CASZ1: variants seen among roughly 807,000 people sequenced by gnomAD.
CASZ1 encodes zinc finger protein castor homolog 1.
A neutral mutation model predicts 135.2 loss-of-function variants in CASZ1; 28 were observed. The ratio of observed to expected loss-of-function variants is 0.21; its 90% confidence interval spans 0.15 to 0.28. The LOEUF (loss-of-function observed/expected upper bound fraction) is 0.28. Ranked by LOEUF, CASZ1 falls within the 10% of genes least tolerant of loss-of-function variation. CASZ1 has a pLI of 1.00. For synonymous variants in CASZ1, 1,068 were observed against 1,073.4 expected (o/e 0.99, Z 0.10); for missense variants, 2,161 against 2,453.3 (o/e 0.88, Z 2.52).
rs1005208116 is a variant in CASZ1 at position 10,744,873 on chromosome 1, C to T, written c.-77+15828G>A. Among the ~76,000 whole-genome samples, 93 of 152,260 alleles carry T rather than the reference C, an allele frequency of 6.1e-4. 1 individual carries two copies. Among genetic ancestry groups the T allele is most frequent in the African/African-American group, 2.2e-3 (92 of 41,550 alleles). On this transcript the variant is annotated intron_variant, in intron 2 of 20. Coordinates refer to ENST00000377022, the MANE Select transcript of CASZ1 (RefSeq NM_001079843.3). ...TGACCTCACCAGAGCACACAGGCAC[C>T]CCGGTACACGGTACACGCAGACGCA...
Position 10,727,531 on chromosome 1 carries a change from C to G in CASZ1, c.-76-21987G>C, listed in dbSNP as rs146663160. ...TGAAAGTTGGGAAGCTTTTACGGTT[C>G]TGTCCTGAAGGACTCTCTTCCTTGG... On this transcript the variant is annotated intron_variant, in intron 2 of 20. Coordinates refer to ENST00000377022, the MANE Select transcript of CASZ1 (RefSeq NM_001079843.3). The surrounding 1 kb of genome is among the most constrained non-coding windows in gnomAD (Gnocchi z 5.3). Among the ~76,000 whole-genome samples the G allele has an allele frequency of 3.7e-3, 565 of 152,304 alleles. 8 individuals carry two copies. The highest frequency in any genetic ancestry group is 0.013 in the South Asian group (65 of 4,826).
intron 4 of CASZ1, among the ~76,000 whole-genome samples, chr1:10,678,523 A>G (rs1638307178): frequency 6.6e-6 from 1 of 152,090 alleles, no homozygotes; most frequent in Non-Finnish European, 1.5e-5. Context: ...GGGGCTGAAG[A>G]TCCCAGTGTC....
At chr1:10,763,493 C>T (rs891657569) in intron 1 of CASZ1, among the ~76,000 whole-genome samples, 1 of 152,144 alleles carries the variant, frequency 6.6e-6, no homozygotes, top group Admixed American at 6.5e-5. Context: ...AACAAGCACT[C>T]TAGAAATGCC....
rs887945463 is a variant in CASZ1 at position 10,762,800 on chromosome 1, C to G, written c.-233-1943G>C. ...AACTCCAGGCAAGGCGCTGGCAAGA[C>G]CAGGGGCTGACCACAGGCCAACGGT... On this transcript the variant is annotated intron_variant, in intron 1 of 20. Transcript: ENST00000377022. This position sits in a 1 kb window ranked among gnomAD's most constrained non-coding sequence, Gnocchi z 4.1. Among the ~76,000 whole-genome samples the G allele has an allele frequency of 1.3e-5, 2 of 152,120 alleles. No individual in the cohort carries two copies. The highest frequency in any genetic ancestry group is 3.9e-4 in the East Asian group (2 of 5,182).
At chr1:10,749,912 C>T (rs1465820403) in intron 2 of CASZ1, among the ~76,000 whole-genome samples, 1 of 152,340 alleles carries the variant, frequency 6.6e-6, no homozygotes, top group East Asian at 1.9e-4. Flanking sequence ...GAAGCACAGG[C>T]TCACACGGGT....
rs1642822848 is a variant in CASZ1, at chr1:10,657,008, A to C, written c.1410-272T>G. 6.6e-6 allele frequency among the ~76,000 whole-genome samples: 1 copy of C among 152,136 alleles called. No individual in the cohort carries two copies. The highest frequency in any genetic ancestry group is 2.4e-5 in the African/African-American group (1 of 41,440). On this transcript the variant is annotated intron_variant, in intron 7 of 20. Coordinates refer to ENST00000377022, the MANE Select transcript of CASZ1 (RefSeq NM_001079843.3). This position sits in a 1 kb window ranked among gnomAD's most constrained non-coding sequence, Gnocchi z 5.7. Reference sequence around the variant, plus strand: ...GATGGGGCCCGAGCCCTGGGATGGAAGGGAAGGCAGGCGCCCCCTCGGCTG... The same window carrying C: ...GATGGGGCCCGAGCCCTGGGATGGACGGGAAGGCAGGCGCCCCCTCGGCTG...
chr1:10,750,085 C>T (rs766912177), intron 2 of CASZ1, among the ~76,000 whole-genome samples: 31 of 152,046 alleles, frequency 2.0e-4, no homozygotes, highest in African/African-American at 6.5e-4. Context: ...GGCAGGGGCC[C>T]GGGGGCAGGG....
chr1:10,794,636 G>C lies in CASZ1; in HGVS notation c.-234+1928C>G, dbSNP rs1385555652. Among the ~76,000 whole-genome samples, 1 of 152,184 alleles carries C rather than the reference G, an allele frequency of 6.6e-6. No individual in the cohort carries two copies. Among genetic ancestry groups the C allele is most frequent in the South Asian group, 2.1e-4 (1 of 4,828 alleles). ...GGGCAGAGGAACTTGTGTGGAGGAA[G>C]AGGGGGTCCCCTGCCTCCCTCAGCG... On this transcript the variant is annotated intron_variant, in intron 1 of 20. Coordinates refer to ENST00000377022, the MANE Select transcript of CASZ1 (RefSeq NM_001079843.3). This position sits in a 1 kb window ranked among gnomAD's most constrained non-coding sequence, Gnocchi z 5.6.
intron 7 of CASZ1, chr1:10,658,032 T>A (rs1642867988): frequency 6.5e-6 from 1 of 153,708 alleles, no homozygotes; most frequent in East Asian, 1.9e-4. Context: ...AGGGTCTCAC[T>A]CTGTTGCCCA....
chr1:10,751,343 T>C (rs1000973828), intron 2 of CASZ1, among the ~76,000 whole-genome samples: 1 of 151,702 alleles, frequency 6.6e-6, no homozygotes, highest in African/African-American at 2.4e-5. Context: ...GACCTCAGAG[T>C]AGCCGACAGA....
intron 4 of CASZ1, among the ~76,000 whole-genome samples, chr1:10,689,234 C>G (rs1163671491): frequency 2.0e-5 from 3 of 152,224 alleles, no homozygotes; most frequent in Non-Finnish European, 4.4e-5. Flanking sequence ...GGGCCAAGAG[C>G]CTTTCCAAGC....
At position 10,665,323 on chromosome 1, in the gene CASZ1, C is replaced by T. The variant is rs756684752; in HGVS notation, c.265G>A (p.Glu89Lys). The change falls in exon 5 of 21, where the codon GAG becomes AAG. Residue 89 changes from glutamate to lysine, a missense_variant. Glu to Lys is a moderately conservative substitution (Grantham distance 56). This residue lies in a region of CASZ1 where 590 missense variants were observed against 609.8 expected (regional missense o/e 0.97). Transcript: ENST00000377022. Reference protein sequence around the residue: ...SEEDKRRAVIEKWVNGEYSEE... With the variant: ...SEEDKRRAVIKKWVNGEYSEE... ...CTGTACTCCCCGTTCACCCACTTCTCGATCACTGCCCGTCTCTTGTCTTCC... is the reference window on the plus strand; with the variant it reads ...CTGTACTCCCCGTTCACCCACTTCTTGATCACTGCCCGTCTCTTGTCTTCC... 6.2e-6 allele frequency: 10 copies of T among 1,612,568 alleles called. No homozygotes were observed. The highest frequency in any genetic ancestry group is 4.0e-5 in the African/African-American group (3 of 74,912).
chr1:10,665,020 G>T (rs1289705199), intron 5 of CASZ1, 63 bp downstream of exon 5: 2 of 1,463,990 alleles, frequency 1.4e-6, no homozygotes, highest in South Asian at 3.0e-5. Context: ...CAGACACACT[G>T]CCCCTTCCCC....
chr1:10,690,995 C>T (rs974195314), intron 4 of CASZ1, among the ~76,000 whole-genome samples: 2 of 152,028 alleles, frequency 1.3e-5, no homozygotes, highest in African/African-American at 4.8e-5. Context: ...CCTCCCATCT[C>T]CCCTCCCCCC....
chr1:10,694,715 C>G lies in CASZ1; in HGVS notation c.-23-803G>C, dbSNP rs1312446578. Among the ~76,000 whole-genome samples, 1 of 144,648 alleles carries G rather than the reference C, an allele frequency of 6.9e-6. No homozygotes were observed. The highest frequency in any genetic ancestry group is 1.5e-5 in the Non-Finnish European group (1 of 65,204). The allele number at this position is 144,648 out of a possible 152,430, so 94.9% of individuals were successfully genotyped here. Reference sequence around the variant, plus strand: ...GCCGCGCGCCCCCGCCGCGCGCGCCCGCGCCGCACTGGCAGGGCGGCCGGC... The same window carrying G: ...GCCGCGCGCCCCCGCCGCGCGCGCCGGCGCCGCACTGGCAGGGCGGCCGGC... On this transcript the variant is annotated intron_variant, in intron 3 of 20. Transcript: ENST00000377022. This position sits in a 1 kb window ranked among gnomAD's most constrained non-coding sequence, Gnocchi z 6.6.
Position 10,709,623 on chromosome 1 carries a change from GGA to G in CASZ1, c.-76-4081_-76-4080del, listed in dbSNP as rs905594842. ...AAAAGAAAGAGAGAGCGGGAGAGGGGGAGAGAGAGAGAGGGAGAGAGAGAAAG... is the reference window on the plus strand; with the variant it reads ...AAAAGAAAGAGAGAGCGGGAGAGGGGGAGAGAGAGAGGGAGAGAGAGAAAG... On this transcript the variant is annotated intron_variant, in intron 2 of 20. Transcript: ENST00000377022. The surrounding 1 kb of genome is among the most constrained non-coding windows in gnomAD (Gnocchi z 5.1). Among the ~76,000 whole-genome samples the G allele has an allele frequency of 6.6e-5, 10 of 151,680 alleles. No individual in the cohort carries two copies. Among genetic ancestry groups the G allele is most frequent in the Non-Finnish European group, 1.5e-4 (10 of 67,898 alleles).
At chr1:10,792,700 C>G (rs987733806) in intron 1 of CASZ1, among the ~76,000 whole-genome samples, 1 of 150,910 alleles carries the variant, frequency 6.6e-6, no homozygotes, top group African/African-American at 2.4e-5. Context: ...CCCCCACCCC[C>G]ACCCCCAACC....
intron 1 of CASZ1, among the ~76,000 whole-genome samples, chr1:10,787,516 G>T (rs1304336962): frequency 6.6e-6 from 1 of 152,214 alleles, no homozygotes; most frequent in African/African-American, 2.4e-5. Context: ...CGGGGGCGAG[G>T]GGGGCGGGCG....
chr1:10,760,180 G>A (rs546434503), intron 2 of CASZ1, among the ~76,000 whole-genome samples: 9 of 152,346 alleles, frequency 5.9e-5, no homozygotes, highest in East Asian at 5.8e-4. Context: ...AAGAGAGCCT[G>A]ATAAATCATC....
Sources: gnomAD v4.1 joint callset for allele counts (sites outside exome capture counted in the v4.1 genomes callset) on GRCh38, gnomAD v4.1.1 for gene constraint, gnomAD v4.1.1 regional missense constraint, Gnocchi (gnomAD v3.1) non-coding constraint, MANE v1.5 for transcripts, NCBI Gene and HGNC (gene_info 2026-07-23, HGNC 2026-07-21) for gene names.